CAMK2D: variants seen among roughly 807,000 people sequenced by gnomAD.
The protein encoded by CAMK2D is calcium/calmodulin dependent protein kinase II delta, also known as calcium/calmodulin-dependent protein kinase type II subunit delta.
A neutral mutation model predicts 84.0 loss-of-function variants in CAMK2D; 37 were observed. The observed-to-expected ratio is 0.44, with a 90% confidence interval of 0.34 to 0.58. CAMK2D has a LOEUF of 0.58. Ranked by LOEUF, CAMK2D falls within the 20% of genes least tolerant of loss-of-function variation. The pLI is 0.02. For synonymous variants in CAMK2D, 202 were observed against 212.5 expected (o/e 0.95, Z 0.43); for missense variants, 448 against 652.5 (o/e 0.69, Z 3.41).
chr4:113,476,210 T>C (rs969157629), intron 16 of CAMK2D, among the ~76,000 whole-genome samples: 1 of 152,150 alleles, frequency 6.6e-6, no homozygotes, highest in Non-Finnish European at 1.5e-5. Flanking sequence ...TTACTGTAGC[T>C]TTCTCAGATG....
chr4:113,600,700 T>A (rs568291454), intron 4 of CAMK2D, among the ~76,000 whole-genome samples: 59 of 152,262 alleles, frequency 3.9e-4, no homozygotes, highest in Admixed American at 1.3e-3. Flanking sequence ...TGGCATAATC[T>A]TGTCTCACTG....
chr4:113,521,327 T>C (rs1259693933), intron 8 of CAMK2D, among the ~76,000 whole-genome samples: 1 of 152,228 alleles, frequency 6.6e-6, no homozygotes. Context: ...TTGCCCCATC[T>C]TTGGCTAGTG....
At chr4:113,721,379 C>T (rs1293912720) in intron 2 of CAMK2D, among the ~76,000 whole-genome samples, 1 of 152,116 alleles carries the variant, frequency 6.6e-6, no homozygotes, top group African/African-American at 2.4e-5. Flanking sequence ...ACTGATTGTT[C>T]CCTATTCCTA....
intron 3 of CAMK2D, among the ~76,000 whole-genome samples, chr4:113,652,988 A>G (rs1164623946): frequency 6.6e-6 from 1 of 152,162 alleles, no homozygotes; most frequent in Non-Finnish European, 1.5e-5. Flanking sequence ...CAAAGAAACC[A>G]GTAACAAATG....
At chr4:113,634,118 A>T (rs1365782254) in intron 3 of CAMK2D, among the ~76,000 whole-genome samples, 2 of 152,202 alleles carry the variant, frequency 1.3e-5, no homozygotes, top group Non-Finnish European at 2.9e-5. Flanking sequence ...AACACTGAAA[A>T]TCATTTCCCA....
chr4:113,508,410 C>T (rs945016975), intron 13 of CAMK2D: 37 of 642,532 alleles, frequency 5.8e-5, no homozygotes, highest in South Asian at 1.6e-4. Flanking sequence ...TCTGGAAATG[C>T]GTTCTATGTA....
chr4:113,733,872 T>C (rs1434693842), intron 2 of CAMK2D, among the ~76,000 whole-genome samples: 1 of 152,186 alleles, frequency 6.6e-6, no homozygotes, highest in Non-Finnish European at 1.5e-5. Flanking sequence ...TTAAAATACA[T>C]ACACAAACTA....
chr4:113,505,062 G>C, intron 13 of CAMK2D, 27 bp from the exon 14 acceptor site: 2 of 1,479,570 alleles, frequency 1.4e-6, no homozygotes, highest in East Asian at 2.4e-5. Flanking sequence ...AATAGAAACA[G>C]AGATGCCTTA....
chr4:113,705,173 A>T (rs1237740863), intron 2 of CAMK2D, among the ~76,000 whole-genome samples: 2 of 151,416 alleles, frequency 1.3e-5, no homozygotes, highest in African/African-American at 4.9e-5. Context: ...AAAAAAAAAA[A>T]AAAATTAGCC....
chr4:113,624,284 CATGG>C (rs1310503458), intron 3 of CAMK2D, among the ~76,000 whole-genome samples: 1 of 152,064 alleles, frequency 6.6e-6, no homozygotes, highest in Non-Finnish European at 1.5e-5. Flanking sequence ...CAAGATGTAC[CATGG>C]AAAGATGTCT....
At chr4:113,626,687 C>A (rs901443424) in intron 3 of CAMK2D, among the ~76,000 whole-genome samples, 1 of 152,130 alleles carries the variant, frequency 6.6e-6, no homozygotes, top group Non-Finnish European at 1.5e-5. Context: ...AAGTAGACAG[C>A]GGATCTGGAC....
chr4:113,679,758 G>C (rs951435423), intron 2 of CAMK2D, among the ~76,000 whole-genome samples: 11 of 152,130 alleles, frequency 7.2e-5, no homozygotes, highest in Non-Finnish European at 1.3e-4. Context: ...TACTTTATCA[G>C]ATCAACTTCA....
chr4:113,642,019 T>TAAAAATAATA (rs1189209477), intron 3 of CAMK2D, among the ~76,000 whole-genome samples: 1 of 151,636 alleles, frequency 6.6e-6, no homozygotes, highest in Non-Finnish European at 1.5e-5. Flanking sequence ...TAAAAAAATT[T>TAAAAATAATA]AAAAATAATA....
chr4:113,682,851 T>C (rs2154335902), intron 2 of CAMK2D, among the ~76,000 whole-genome samples: 1 of 152,304 alleles, frequency 6.6e-6, no homozygotes, highest in African/African-American at 2.4e-5. Context: ...GAAGTTTTGC[T>C]GGATGAAATA....
intron 4 of CAMK2D, among the ~76,000 whole-genome samples, chr4:113,569,539 T>C (rs1239616679): frequency 6.6e-6 from 1 of 152,200 alleles, no homozygotes; most frequent in Non-Finnish European, 1.5e-5. Flanking sequence ...TAGAGGTTAA[T>C]TAAAAATGCA....
chr4:113,579,853 A>T (rs2154239781), intron 4 of CAMK2D, among the ~76,000 whole-genome samples: 1 of 152,374 alleles, frequency 6.6e-6, no homozygotes, highest in Admixed American at 6.5e-5. Context: ...AGAATTCTTG[A>T]AATATTTACT....
chr4:113,716,290 TAC>T (rs1404856977), intron 2 of CAMK2D, among the ~76,000 whole-genome samples: 1 of 152,230 alleles, frequency 6.6e-6, no homozygotes, highest in Non-Finnish European at 1.5e-5. Context: ...CATTCTATTA[TAC>T]ACTAAAAGAA....
rs1193259202 is a variant in CAMK2D, at chr4:113,551,094, C to T, written c.341+937G>A. On this transcript the variant is annotated intron_variant, in intron 5 of 20. Transcript: ENST00000511664. ...AGAGTCAATCTCTGCTCCCAAACATCTCATTTACATTGCTAATAATGAGCC... is the reference window on the plus strand; with the variant it reads ...AGAGTCAATCTCTGCTCCCAAACATTTCATTTACATTGCTAATAATGAGCC... Among the ~76,000 whole-genome samples, 39 of 152,090 alleles carry T rather than the reference C, an allele frequency of 2.6e-4. 1 individual carries two copies.
intron 2 of CAMK2D, among the ~76,000 whole-genome samples, chr4:113,757,008 T>C (rs1312119268): frequency 6.6e-6 from 1 of 152,066 alleles, no homozygotes; most frequent in Non-Finnish European, 1.5e-5. Context: ...TACTTTGCAG[T>C]TTAAGAAATG....
Sources: allele counts gnomAD v4.1 joint callset (sites outside exome capture counted in the v4.1 genomes callset), GRCh38; gene constraint gnomAD v4.1.1; transcripts MANE v1.5; gene names NCBI Gene and HGNC (gene_info 2026-07-23, HGNC 2026-07-21).